The following PLAGL1 variants were observed in gnomAD, a reference collection of about 807,000 sequenced individuals.
PLAGL1 encodes PLAG1 like zinc finger 1, also known as zinc finger protein PLAGL1.
In PLAGL1, 1 loss-of-function variant was observed where a neutral mutation model predicts 4.6. The observed-to-expected ratio is 0.22, with a 90% CI of 0.08 to 1.03. PLAGL1 has a LOEUF of 1.03. Ranked by LOEUF, PLAGL1 falls within the 50% of genes least tolerant of loss-of-function variation. PLAGL1 has a pLI of 0.58. For synonymous variants in PLAGL1, 240 were observed against 237.8 expected (o/e 1.01, Z -0.08); for missense variants, 464 against 570.4 (o/e 0.81, Z 1.90).
In PLAGL1 at chr6:143,995,745, CAT is replaced by C; in HGVS notation, c.-583-10573_-583-10572del. ...AAAGGAAGAAAGATCACCCTTTCTA[CAT>C]GTTTCATAATATATTTTCCAGGGAT... On this transcript the variant is annotated intron_variant, in intron 1 of 7. Coordinates refer to ENST00000674357, the MANE Select transcript of PLAGL1 (RefSeq NM_001317162.2). The surrounding 1 kb of genome is among the most constrained non-coding windows in gnomAD (Gnocchi z 4.4). 6.6e-6 allele frequency among the ~76,000 whole-genome samples: 1 copy of C among 152,060 alleles called. No homozygotes were observed. The highest frequency in any genetic ancestry group is 1.9e-4 in the East Asian group (1 of 5,176).
At chr6:144,025,438 A>G (rs565868045) in intron 1 of PLAGL1, among the ~76,000 whole-genome samples, 129 of 152,332 alleles carry the variant, frequency 8.5e-4, no homozygotes, top group African/African-American at 3.1e-3. Context: ...AATAATATGT[A>G]TCACTATTGG....
rs1174133105 is a variant in PLAGL1, at chr6:144,022,699, C to G, written c.-151+41769G>C. ...GAGTTCCCTTGCACAAGCTCTCTTG[C>G]CTGCCACCATGTAAGATGTCTCTTG... On this transcript the variant is annotated intron_variant, in intron 1 of 3. Transcript: ENST00000437412. This position sits in a 1 kb window ranked among gnomAD's most constrained non-coding sequence, Gnocchi z 4.2. Among the ~76,000 whole-genome samples, 2 of 152,160 alleles carry G rather than the reference C, an allele frequency of 1.3e-5. No individual in the cohort carries two copies. Among genetic ancestry groups the G allele is most frequent in the Admixed American group, 1.3e-4 (2 of 15,272 alleles).
At chr6:144,032,568 T>C (rs1210397190) in intron 1 of PLAGL1, among the ~76,000 whole-genome samples, 1 of 152,186 alleles carries the variant, frequency 6.6e-6, no homozygotes, top group Non-Finnish European at 1.5e-5. Flanking sequence ...GGGTTTTGTT[T>C]GTTTGTTTTT....
chr6:143,959,203 C>T lies in PLAGL1; in HGVS notation c.-325+1266G>A, dbSNP rs1049541159. On this transcript the variant is annotated intron_variant, in intron 6 of 7. Transcript: ENST00000674357. This position sits in a 1 kb window ranked among gnomAD's most constrained non-coding sequence, Gnocchi z 5.3. ...AGCAATGTCTCAAGTGGCTCTTCCT[C>T]CCCTGCTTGCCTTGCAATCATACTG... Among the ~76,000 whole-genome samples, 1 of 152,240 alleles carries T rather than the reference C, an allele frequency of 6.6e-6. No individual in the cohort carries two copies. The highest frequency in any genetic ancestry group is 1.5e-5 in the Non-Finnish European group (1 of 68,040).
At chr6:143,951,188 G>A (rs937592032) in intron 6 of PLAGL1, among the ~76,000 whole-genome samples, 19 of 152,104 alleles carry the variant, frequency 1.2e-4, no homozygotes, top group African/African-American at 3.9e-4. Context: ...TGGGACAATC[G>A]ACTGAGACAA....
At chr6:144,042,143 G>C (rs1797792762) in intron 1 of PLAGL1, among the ~76,000 whole-genome samples, 1 of 152,062 alleles carries the variant, frequency 6.6e-6, no homozygotes, top group Non-Finnish European at 1.5e-5. Flanking sequence ...CACTCTGATG[G>C]TAGTTTCTTT....
rs977151807 is a variant in PLAGL1, at chr6:143,954,466, C to T, written c.-325+6003G>A. Among the ~76,000 whole-genome samples, 2 of 152,206 alleles carry T rather than the reference C, an allele frequency of 1.3e-5. No individual in the cohort carries two copies. The highest frequency in any genetic ancestry group is 4.8e-5 in the African/African-American group (2 of 41,462). On this transcript the variant is annotated intron_variant, in intron 6 of 7. Transcript: ENST00000674357. This position sits in a 1 kb window ranked among gnomAD's most constrained non-coding sequence, Gnocchi z 5.1. ...GGCTGGGACAGGCATTTGAGTCAAA[C>T]TTGCAAGGGGAACACTTGAGAACCC...
intron 1 of PLAGL1, among the ~76,000 whole-genome samples, chr6:144,060,188 C>G (rs1181315271): frequency 1.3e-5 from 2 of 152,112 alleles, no homozygotes; most frequent in Admixed American, 6.6e-5. Flanking sequence ...GCTGGGACTA[C>G]AGGCGTAGTC....
rs1562373320 is a variant in PLAGL1, at chr6:143,942,877, GTT to G, written c.153-216_153-215del. Among the ~76,000 whole-genome samples, 1 of 151,664 alleles carries G rather than the reference GTT, an allele frequency of 6.6e-6. No individual in the cohort carries two copies. The highest frequency in any genetic ancestry group is 2.1e-4 in the South Asian group (1 of 4,822). ...AATACATTTTTCACACCTATAAAAC[GTT>G]TTTTGAGACAGGATCTGACTCTTTT... On this transcript the variant is annotated intron_variant, in intron 7 of 7. Transcript: ENST00000674357. This position sits in a 1 kb window ranked among gnomAD's most constrained non-coding sequence, Gnocchi z 7.6.
At chr6:144,033,780 G>A (rs1277653934) in intron 1 of PLAGL1, among the ~76,000 whole-genome samples, 2 of 152,096 alleles carry the variant, frequency 1.3e-5, no homozygotes, top group African/African-American at 4.8e-5. Flanking sequence ...ATAAAACAAT[G>A]TAAAATCACA....
intron 1 of PLAGL1, among the ~76,000 whole-genome samples, chr6:144,045,000 C>CTTTTTTTTTTTTTTTTTT (rs138373370): frequency 8.5e-5 from 4 of 47,322 alleles, no homozygotes; most frequent in African/African-American, 1.7e-4. Flanking sequence ...GCAACCCCTG[C>CTTTTTTTTTTTTTTTTTT]TTTTTTTTTT....
In PLAGL1 at chr6:144,050,190, G is replaced by T. The variant is rs1449823220; in HGVS notation, c.-151+14278C>A. Among the ~76,000 whole-genome samples, 3 of 152,100 alleles carry T rather than the reference G, an allele frequency of 2.0e-5. No individual in the cohort carries two copies. Among genetic ancestry groups the T allele is most frequent in the Non-Finnish European group, 4.4e-5 (3 of 68,020 alleles). ...TGAGGGAAATTGAGACCACCTAAGG[G>T]AACAAGAGATTCACATTGCCCAGAA... On this transcript the variant is annotated intron_variant, in intron 1 of 3. Transcript: ENST00000437412. The surrounding 1 kb of genome is among the most constrained non-coding windows in gnomAD (Gnocchi z 4.3).
In PLAGL1 at chr6:143,958,803, G is replaced by A. The variant is rs1342854323; in HGVS notation, c.-325+1666C>T. Among the ~76,000 whole-genome samples the A allele has an allele frequency of 1.3e-5, 2 of 152,134 alleles. No homozygotes were observed. Among genetic ancestry groups the A allele is most frequent in the Admixed American group, 1.3e-4 (2 of 15,286 alleles). On this transcript the variant is annotated intron_variant, in intron 6 of 7. Coordinates refer to ENST00000674357, the MANE Select transcript of PLAGL1 (RefSeq NM_001317162.2). This position sits in a 1 kb window ranked among gnomAD's most constrained non-coding sequence, Gnocchi z 5.1. ...AAGAGACAAGGCAAGTTTTCCAAGC[G>A]ACAACACTGGCTTTTCTGAAAGGGG...
In PLAGL1 at chr6:143,941,969, C is replaced by T. The variant is rs780626452; in HGVS notation, c.847G>A (p.Ala283Thr). 24 of 1,597,086 alleles carry T rather than the reference C, an allele frequency of 1.5e-5. No homozygotes were observed. Among genetic ancestry groups the T allele is most frequent in the East Asian group, 2.2e-5 (1 of 44,720 alleles). ...QPMQPLPESL[A>T]SLHPSVSPGS... ...GGGGATACCGAGGGGTGGAGGGAGG[C>T]CAGGGACTCTGGCAGCGGCTGCATA... Residue 283 changes from alanine (A) to threonine (T), a missense_variant, in exon 8 of 8, where the codon GCC (alanine) becomes ACC (threonine). By Grantham distance (58) the Ala-to-Thr change is moderately conservative. Around this residue, in one of 4 missense-constraint regions of PLAGL1, gnomAD observed 248 missense variants for 250.1 expected, o/e 0.99. Transcript: ENST00000674357. This position sits in a 1 kb window ranked among gnomAD's most constrained non-coding sequence, Gnocchi z 6.0.
intron 1 of PLAGL1, among the ~76,000 whole-genome samples, chr6:144,045,992 C>A (rs1798116366): frequency 6.6e-6 from 1 of 152,166 alleles, no homozygotes; most frequent in South Asian, 2.1e-4. Context: ...GAAGCTTGTG[C>A]ATGCGTCACA....
At position 143,942,134 on chromosome 6, in the gene PLAGL1, T is replaced by A. The variant is rs754521531; in HGVS notation, c.682A>T (p.Ile228Phe). The A allele has an allele frequency of 6.2e-7, 1 of 1,614,122 alleles. No homozygotes were observed. The highest frequency in any genetic ancestry group is 1.1e-5 in the South Asian group (1 of 91,076). The part of the protein sequence containing the change: ...TGDLLSTFHT[I>F]SPSFQLKAAA... Reference sequence around the variant, plus strand: ...GCCTTCAGTTGGAATGAAGGCGAGATGGTGTGGAAGGTGCTCAGAAGGTCT... The same window carrying A: ...GCCTTCAGTTGGAATGAAGGCGAGAAGGTGTGGAAGGTGCTCAGAAGGTCT... The change falls in exon 8 of 8, where the codon ATC becomes TTC. Residue 228 changes from isoleucine to phenylalanine, a missense_variant. Ile to Phe is a conservative substitution (Grantham distance 21). This residue lies in a region of PLAGL1 where 248 missense variants were observed against 250.1 expected (regional missense o/e 0.99). Coordinates refer to ENST00000674357, the MANE Select transcript of PLAGL1 (RefSeq NM_001317162.2). The surrounding 1 kb of genome is among the most constrained non-coding windows in gnomAD (Gnocchi z 7.6).
In PLAGL1 at chr6:144,048,200, C is replaced by A. The variant is rs764072828; in HGVS notation, c.-151+16268G>T. Reference sequence around the variant, plus strand: ...GCCTCTGTGGCTTTGCAGGGTACGGCCTCCCTCTTGGCTGCTTTCATGGGC... The same window carrying A: ...GCCTCTGTGGCTTTGCAGGGTACGGACTCCCTCTTGGCTGCTTTCATGGGC... On this transcript the variant is annotated intron_variant, in intron 1 of 3. Transcript: ENST00000437412. This position sits in a 1 kb window ranked among gnomAD's most constrained non-coding sequence, Gnocchi z 4.8. Among the ~76,000 whole-genome samples the A allele has an allele frequency of 6.6e-6, 1 of 152,204 alleles. No homozygotes were observed.
chr6:143,995,228 C>T lies in PLAGL1; in HGVS notation c.-583-10054G>A, dbSNP rs1200423839. On this transcript the variant is annotated intron_variant, in intron 1 of 7. Coordinates refer to ENST00000674357, the MANE Select transcript of PLAGL1 (RefSeq NM_001317162.2). This position sits in a 1 kb window ranked among gnomAD's most constrained non-coding sequence, Gnocchi z 4.4. ...GAAAATATTCACAATAAAGCAAGGT[C>T]CCTTTCAATTTATCCTTAAAGTTAA... 2.6e-5 allele frequency among the ~76,000 whole-genome samples: 4 copies of T among 152,258 alleles called. No individual in the cohort carries two copies. Among genetic ancestry groups the T allele is most frequent in the African/African-American group, 9.6e-5 (4 of 41,548 alleles).
rs1014084752 is a variant in PLAGL1 at position 143,954,093 on chromosome 6, A to G, written c.-324-5633T>C. On this transcript the variant is annotated intron_variant, in intron 6 of 7. Transcript: ENST00000674357. This position sits in a 1 kb window ranked among gnomAD's most constrained non-coding sequence, Gnocchi z 5.1. The stretch of plus-strand genomic sequence containing the variant: ...GAAGCTGACCAGCCCAAGAGAAAAG[A>G]GCAAACCATAAGGACAAAGGGGGTT... 2.6e-5 allele frequency among the ~76,000 whole-genome samples: 4 copies of G among 152,158 alleles called. No homozygotes were observed. Among genetic ancestry groups the G allele is most frequent in the African/African-American group, 9.7e-5 (4 of 41,422 alleles).
Sources: gnomAD v4.1 joint callset for allele counts (sites outside exome capture counted in the v4.1 genomes callset) on GRCh38, gnomAD v4.1.1 for gene constraint, gnomAD v4.1.1 regional missense constraint, Gnocchi (gnomAD v3.1) non-coding constraint, MANE v1.5 for transcripts, NCBI Gene and HGNC (gene_info 2026-07-23, HGNC 2026-07-21) for gene names.